EPHA5: variants seen among roughly 807,000 people sequenced by gnomAD.
The protein encoded by EPHA5 is EPH receptor A5.
EPHA5 carries 60 observed loss-of-function variants against 105.0 expected under a neutral mutation model. The observed-to-expected ratio is 0.57, with a 90% confidence interval of 0.46 to 0.71. EPHA5 has a LOEUF of 0.71. Among genes scored for constraint, EPHA5 ranks in the 30% least tolerant of loss-of-function variants. The pLI, the probability that EPHA5 is intolerant of heterozygous loss-of-function variation, is 0.00. For synonymous variants in EPHA5, 513 were observed against 449.1 expected (o/e 1.14, Z -1.80); for missense variants, 1,218 against 1,274.7 (o/e 0.96, Z 0.68).
intron 7 of EPHA5, among the ~76,000 whole-genome samples, chr4:65,406,664 C>T (rs1722386850): frequency 6.6e-6 from 1 of 152,092 alleles, no homozygotes; most frequent in Admixed American, 6.6e-5. Flanking sequence ...ATTAACAACT[C>T]TCAGGGTGAC....
chr4:65,324,578 A>T (rs1366771009), intron 16 of EPHA5, among the ~76,000 whole-genome samples: 1 of 145,644 alleles, frequency 6.9e-6, no homozygotes, highest in Non-Finnish European at 1.5e-5. Flanking sequence ...AATATTCATA[A>T]GCACTTATTT....
chr4:65,347,156 G>C, intron 14 of EPHA5, among the ~76,000 whole-genome samples: 1 of 148,106 alleles, frequency 6.8e-6, no homozygotes, highest in Non-Finnish European at 1.5e-5. Flanking sequence ...GTTTTATGGA[G>C]CATGGATGAC....
At chr4:65,366,136 A>G in intron 9 of EPHA5, 79 bp from the exon 10 acceptor site, 5 of 1,338,558 alleles carry the variant, frequency 3.7e-6, no homozygotes, top group East Asian at 2.4e-5. Context: ...ACATGCAAGT[A>G]TGGCTTAAAT....
chr4:65,535,628 T>A (rs1168294805), intron 3 of EPHA5, among the ~76,000 whole-genome samples: 1 of 152,124 alleles, frequency 6.6e-6, no homozygotes, highest in East Asian at 1.9e-4. Flanking sequence ...TTTGCAAAGT[T>A]GTAGAAAAAT....
intron 2 of EPHA5, among the ~76,000 whole-genome samples, chr4:65,622,830 C>T (rs1745823828): frequency 1.3e-5 from 2 of 152,010 alleles, no homozygotes; most frequent in Admixed American, 1.3e-4. Flanking sequence ...GGGACTTGGT[C>T]TGGCTTCCAA....
At chr4:65,348,659 GATATAT>G (rs36206921) in intron 13 of EPHA5, among the ~76,000 whole-genome samples, 1,630 of 60,042 alleles carry the variant, frequency 0.027, 30 homozygotes, top group African/African-American at 0.052. Flanking sequence ...AAACATTGGA[GATATAT>G]ATATATATAT....
intron 3 of EPHA5, among the ~76,000 whole-genome samples, chr4:65,496,205 A>G (rs1731915199): frequency 1.3e-5 from 2 of 149,516 alleles, no homozygotes; most frequent in South Asian, 4.1e-4. Flanking sequence ...ACAAATTATA[A>G]TGATTTCTTA....
At chr4:65,326,071 T>C (rs1436919767) in intron 16 of EPHA5, among the ~76,000 whole-genome samples, 4 of 148,974 alleles carry the variant, frequency 2.7e-5, no homozygotes, top group African/African-American at 7.3e-5. Flanking sequence ...TATTCACACA[T>C]ATAAATTGGT....
intron 3 of EPHA5, among the ~76,000 whole-genome samples, chr4:65,567,172 T>C (rs1739633505): frequency 6.6e-6 from 1 of 151,690 alleles, no homozygotes; most frequent in Non-Finnish European, 1.5e-5. Flanking sequence ...AATTTCTTTT[T>C]ATGTCTTGAA....
intron 8 of EPHA5, among the ~76,000 whole-genome samples, chr4:65,381,770 C>T (rs1158749726): frequency 2.0e-5 from 3 of 151,612 alleles, no homozygotes; most frequent in African/African-American, 7.3e-5. Context: ...CATAAGTGCC[C>T]AGCCCTCTTG....
chr4:65,646,924 T>A (rs901112121), intron 1 of EPHA5, among the ~76,000 whole-genome samples: 1 of 152,196 alleles, frequency 6.6e-6, no homozygotes, highest in Non-Finnish European at 1.5e-5. Flanking sequence ...TACGCTTCCA[T>A]AATTTCTCAG....
chr4:65,503,474 G>T (rs141293567), intron 3 of EPHA5, among the ~76,000 whole-genome samples: 4 of 151,846 alleles, frequency 2.6e-5, no homozygotes, highest in Non-Finnish European at 5.9e-5. Context: ...AAGTTTAAAT[G>T]ATTGAAAACA....
intron 1 of EPHA5, among the ~76,000 whole-genome samples, chr4:65,652,887 A>T (rs1748734671): frequency 6.6e-6 from 1 of 152,114 alleles, no homozygotes. Context: ...AGTAATAATG[A>T]ACCCTCTTTT....
chr4:65,472,257 G>T (rs370182573), intron 5 of EPHA5, among the ~76,000 whole-genome samples: 3 of 152,128 alleles, frequency 2.0e-5, no homozygotes, highest in African/African-American at 7.2e-5. Context: ...TGATGCCAAA[G>T]GTGGGCTCTT....
At chr4:65,568,359 TTAAC>T (rs938571807) in intron 3 of EPHA5, among the ~76,000 whole-genome samples, 2 of 151,454 alleles carry the variant, frequency 1.3e-5, no homozygotes, top group African/African-American at 2.4e-5. Flanking sequence ...TGCATTTGAA[TTAAC>T]TATTTCAAAT....
intron 11 of EPHA5, among the ~76,000 whole-genome samples, chr4:65,357,374 T>C (rs1484135578): frequency 1.3e-5 from 2 of 151,488 alleles, no homozygotes; most frequent in East Asian, 1.9e-4. Context: ...CTGAGATGTC[T>C]ACAAATTCAA....
At chr4:65,562,784 A>T (rs958683116) in intron 3 of EPHA5, among the ~76,000 whole-genome samples, 3 of 152,050 alleles carry the variant, frequency 2.0e-5, no homozygotes, top group Non-Finnish European at 4.4e-5. Flanking sequence ...GACACTGAAG[A>T]TGCTGATTAA....
chr4:65,392,243 A>T (rs771289150), intron 8 of EPHA5, among the ~76,000 whole-genome samples: 1 of 152,144 alleles, frequency 6.6e-6, no homozygotes, highest in African/African-American at 2.4e-5. Context: ...AATAGAAGAG[A>T]TAAAAACCCT....
At chr4:65,620,009 TCA>T (rs1745572750) in intron 2 of EPHA5, among the ~76,000 whole-genome samples, 1 of 150,418 alleles carries the variant, frequency 6.6e-6, no homozygotes, top group Admixed American at 6.6e-5. Flanking sequence ...ACTAGTTTAA[TCA>T]TCAATAGTAT....
Sources: allele counts gnomAD v4.1 joint callset (sites outside exome capture counted in the v4.1 genomes callset), GRCh38; gene constraint gnomAD v4.1.1; transcripts MANE v1.5; gene names NCBI Gene and HGNC (gene_info 2026-07-23, HGNC 2026-07-21).